The following TJP3 variants were observed in gnomAD, a reference collection of about 807,000 sequenced individuals.
The protein encoded by TJP3 is tight junction protein ZO-3.
A neutral mutation model predicts 104.2 loss-of-function variants in TJP3; 85 were observed. The ratio of observed to expected loss-of-function variants is 0.82; its 90% confidence interval spans 0.68 to 0.98. The LOEUF (loss-of-function observed/expected upper bound fraction) is 0.98. TJP3 is among the 50% of genes least tolerant of loss of function. TJP3 has a pLI of 0.00. For missense variants in TJP3, 1,367 were observed against 1,322.8 expected, an observed-to-expected ratio of 1.03 and a Z score of -0.52; for synonymous variants, 550 against 550.6, an observed-to-expected ratio of 1.00 and a Z score of 0.02.
rs781735519 is a variant in TJP3, at chr19:3,744,084, C to T, written c.1939+50C>T. On this transcript the variant is annotated intron_variant, in intron 15 of 20. Coordinates refer to ENST00000541714, the MANE Select transcript of TJP3 (RefSeq NM_001267560.2). ...CCTCGTTGGTGAAATAGTTTCACAA[C>T]TGTTTTTTTGTGGGGGGTCGGGGGA... The T allele has an allele frequency of 3.8e-6, 6 of 1,568,840 alleles. No individual in the cohort carries two copies. In the Admixed American group the frequency reaches 1.0e-4, roughly 26 times the overall value.
At chr19:3,747,094 C>T (rs971437996) in intron 18 of TJP3, among the ~76,000 whole-genome samples, 1 of 151,966 alleles carries the variant, frequency 6.6e-6, no homozygotes, top group African/African-American at 2.4e-5. Context: ...GATGGAGTCT[C>T]ATGTCACCCA....
intron 1 of TJP3, among the ~76,000 whole-genome samples, chr19:3,719,357 GGAAA>G (rs2145669175): frequency 6.6e-6 from 1 of 152,228 alleles, no homozygotes; most frequent in East Asian, 1.9e-4. Context: ...ATGGGGTCTT[GGAAA>G]GAGTTTGGGG....
At position 3,746,801 on chromosome 19, in the gene TJP3, T is replaced by TGACA; in HGVS notation, c.2248_2251dup (p.Thr751ArgfsTer47). 1.2e-6 allele frequency: 2 copies of TGACA among 1,611,036 alleles called. No individual in the cohort carries two copies. Among genetic ancestry groups the TGACA allele is most frequent in the Non-Finnish European group, 1.7e-6 (2 of 1,178,746 alleles). On this transcript the variant is annotated frameshift_variant, in exon 18 of 21. Coordinates refer to ENST00000541714, the MANE Select transcript of TJP3 (RefSeq NM_001267560.2). LOFTEE classifies it high-confidence loss of function. The surrounding 1 kb of genome is among the most constrained non-coding windows in gnomAD (Gnocchi z 4.1). ...CCACCATCCCTCTGAATGGCACGAG[T>TGACA]GACACCTGGTACCAGGAGCTCAAGG... is the stretch of plus-strand genomic sequence containing the variant.
At chr19:3,749,723 T>C (rs2036964466) in intron 19 of TJP3, 1 of 214,862 alleles carries the variant, frequency 4.7e-6, no homozygotes, top group African/African-American at 2.3e-5. Context: ...CCACACCCTC[T>C]CTAGGTCAAT....
chr19:3,737,127 G>A (rs368560963), intron 11 of TJP3, among the ~76,000 whole-genome samples: 2 of 152,064 alleles, frequency 1.3e-5, no homozygotes, highest in African/African-American at 2.4e-5. Context: ...TGATGCACCC[G>A]CCTCAGCCTC....
At position 3,733,748 on chromosome 19, in the gene TJP3, T is replaced by C; in HGVS notation, c.718-5T>C. On this transcript the variant is annotated splice_region_variant and splice_polypyrimidine_tract_variant and intron_variant, in intron 6 of 20. Transcript: ENST00000541714. ...TTCCGCTCTTTCATTCCTGGTCCCT[T>C]TCAGATCAACGGGGTGTCTAGCCAG... 6.2e-7 allele frequency: 1 copy of C among 1,614,098 alleles called. No homozygotes were observed. Among genetic ancestry groups the C allele is most frequent in the Non-Finnish European group, 8.5e-7 (1 of 1,179,958 alleles).
Position 3,731,937 on chromosome 19 carries a change from T to G in TJP3, c.616T>G (p.Phe206Val). The change falls in exon 6 of 21, where the codon TTT becomes GTT. Residue 206 changes from phenylalanine to valine, a missense_variant and splice_region_variant. By Grantham distance (50) the Phe-to-Val change is conservative. Transcript: ENST00000541714. Reference protein sequence around the residue: ...VLVKRRDSEEFGVKLGSQIFI... With the variant: ...VLVKRRDSEEVGVKLGSQIFI... Reference sequence around the variant, plus strand: ...GTTTCCCTCCTCCCCCCTTACAGAGTTTGGCGTCAAGCTGGGCAGTCAGAT... The same window carrying G: ...GTTTCCCTCCTCCCCCCTTACAGAGGTTGGCGTCAAGCTGGGCAGTCAGAT... 1 of 1,612,392 alleles carries G rather than the reference T, an allele frequency of 6.2e-7. No homozygotes were observed. Among genetic ancestry groups the G allele is most frequent in the Non-Finnish European group, 8.5e-7 (1 of 1,179,084 alleles).
chr19:3,745,927 G>T lies in TJP3; in HGVS notation c.1940-84G>T, dbSNP rs1599163912. On this transcript the variant is annotated intron_variant, in intron 15 of 20. Transcript: ENST00000541714. ...CAATGGGGAGCCATGGTGGCTTCTT[G>T]AGCAGGGGAGGGGCAGGTAGGCATG... The T allele has an allele frequency of 5.1e-6, 6 of 1,170,852 alleles. No homozygotes were observed. The East Asian group carries it at 1.5e-4, about 30-fold the overall frequency. 72.5% of individuals were successfully genotyped at this position (1,170,852 alleles called of 1,614,324 possible).
chr19:3,730,594 T>C lies in TJP3; in HGVS notation c.501T>C (p.Gly167=). The C allele has an allele frequency of 6.2e-7, 1 of 1,610,756 alleles. No individual in the cohort carries two copies. The highest frequency in any genetic ancestry group is 8.5e-7 in the Non-Finnish European group (1 of 1,179,700). ...GCCATGGGCGTAGGAGCCCAGGTGG[T>C]GGCTCTGAGGCCAACGGGCTGGCCC... ...AGSHGRRSPG[G]GSEANGLALV... The change falls in exon 5 of 21, where the codon GGT becomes GGC. Residue 167 remains glycine, a synonymous_variant. Transcript: ENST00000541714. This position sits in a 1 kb window ranked among gnomAD's most constrained non-coding sequence, Gnocchi z 7.3.
Position 3,740,788 on chromosome 19 carries a change from C to G in TJP3, c.1843+25C>G, listed in dbSNP as rs755859589. 4.6e-6 allele frequency: 7 copies of G among 1,517,806 alleles called. No individual in the cohort carries two copies. In the African/African-American group the frequency reaches 7.0e-5, roughly 15 times the overall value. 94.0% of individuals were successfully genotyped at this position (1,517,806 alleles called of 1,614,324 possible). ...GGTGGGGCCCGGAGCTGGAGGGGCC[C>G]TGGGGAGGCCTCACACACAGCTCCT... is the stretch of plus-strand genomic sequence containing the variant. On this transcript the variant is annotated intron_variant, in intron 14 of 20. Transcript: ENST00000541714.
intron 10 of TJP3, 27 bp downstream of exon 10, chr19:3,735,962 C>T (rs1441031429): frequency 6.2e-6 from 10 of 1,613,340 alleles, no homozygotes; most frequent in South Asian, 2.2e-5. Context: ...AAAGCAAACC[C>T]GCTCAAAACT....
chr19:3,741,438 C>T (rs1345776302), intron 14 of TJP3, among the ~76,000 whole-genome samples: 1 of 151,880 alleles, frequency 6.6e-6, no homozygotes, highest in Non-Finnish European at 1.5e-5. Context: ...CCAGCCTGGC[C>T]CACATGGTGA....
At chr19:3,710,657 G>A (rs936231579) in intron 1 of TJP3, among the ~76,000 whole-genome samples, 5 of 152,154 alleles carry the variant, frequency 3.3e-5, no homozygotes, top group Admixed American at 6.6e-5. Context: ...TGAGGTTAGC[G>A]GAAGCCTAGG....
rs572234447 is a variant in TJP3, at chr19:3,731,331, G to T, written c.614-604G>T. Among the ~76,000 whole-genome samples, 6 of 152,224 alleles carry T rather than the reference G, an allele frequency of 3.9e-5. No homozygotes were observed. The South Asian group carries it at 8.3e-4, about 21-fold the overall frequency. Reference sequence around the variant, plus strand: ...CTGGGGGGCCCAGTGTCACCACAGGGTCCTTATAAGAGGAGGCCTGGCTGA... The same window carrying T: ...CTGGGGGGCCCAGTGTCACCACAGGTTCCTTATAAGAGGAGGCCTGGCTGA... On this transcript the variant is annotated intron_variant, in intron 5 of 20. Coordinates refer to ENST00000541714, the MANE Select transcript of TJP3 (RefSeq NM_001267560.2).
Position 3,750,708 on chromosome 19 carries a change from C to T in TJP3, c.*24C>T. The T allele has an allele frequency of 6.4e-7, 1 of 1,561,600 alleles. No homozygotes were observed. The highest frequency in any genetic ancestry group is 2.3e-5 in the East Asian group (1 of 42,942). ...GACCTCTCGAAGGCTGCCAGCTGGT[C>T]CGTCCTCCTTCTCCCTCCCTGGGGC... On this transcript the variant is annotated 3_prime_UTR_variant, in exon 21 of 21. Transcript: ENST00000541714.
chr19:3,739,665 A>G (rs939456674), intron 13 of TJP3, among the ~76,000 whole-genome samples: 1 of 152,150 alleles, frequency 6.6e-6, no homozygotes, highest in African/African-American at 2.4e-5. Flanking sequence ...ATCCTCTTAC[A>G]GTTCTGGAGA....
chr19:3,733,180 C>T (rs551111357), intron 6 of TJP3, among the ~76,000 whole-genome samples: 6 of 151,914 alleles, frequency 3.9e-5, no homozygotes, highest in African/African-American at 1.2e-4. Flanking sequence ...GGACCACAGG[C>T]GCCCACCACC....
chr19:3,719,850 C>T (rs1009732581), intron 1 of TJP3, among the ~76,000 whole-genome samples: 3 of 151,970 alleles, frequency 2.0e-5, no homozygotes, highest in African/African-American at 4.8e-5. Context: ...AGGGATTGAA[C>T]TTCATTTTGG....
intron 6 of TJP3, among the ~76,000 whole-genome samples, chr19:3,732,544 C>T (rs1478634855): frequency 4.6e-5 from 7 of 150,616 alleles, no homozygotes; most frequent in African/African-American, 1.7e-4. Context: ...GAGTCTCGCT[C>T]TGTCACCCAG....
Sources: gnomAD v4.1 joint callset for allele counts (sites outside exome capture counted in the v4.1 genomes callset) on GRCh38, gnomAD v4.1.1 for gene constraint, Gnocchi (gnomAD v3.1) non-coding constraint, MANE v1.5 for transcripts, NCBI Gene and HGNC (gene_info 2026-07-23, HGNC 2026-07-21) for gene names.